CTSB: variants seen among roughly 807,000 people sequenced by gnomAD.
The protein encoded by CTSB is cathepsin B.
A neutral mutation model predicts 44.3 loss-of-function variants in CTSB; 57 were observed. The ratio of observed to expected loss-of-function variants is 1.29; its 90% CI spans 1.04 to 1.60. The LOEUF (loss-of-function observed/expected upper bound fraction) is 1.60. CTSB is among the 40% of genes most tolerant of loss of function. The pLI, the probability that CTSB is intolerant of heterozygous loss-of-function variation, is 0.00. For missense variants in CTSB, 768 were observed against 443.0 expected (o/e 1.73, Z -6.59); for synonymous variants, 320 against 168.0 (o/e 1.91, Z -7.00).
chr8:11,864,859 G>C (rs1816901258), intron 1 of CTSB, among the ~76,000 whole-genome samples: 1 of 151,692 alleles, frequency 6.6e-6, no homozygotes, highest in African/African-American at 2.4e-5. Context: ...GTTGCAGTGA[G>C]CTGAGATTGT....
At chr8:11,847,642 C>T (rs777115295) in intron 7 of CTSB, 37 bp downstream of exon 7, 1 of 1,503,284 alleles carries the variant, frequency 6.7e-7, no homozygotes, top group Non-Finnish European at 8.9e-7. Context: ...GCTCCCCAGC[C>T]TCCACGTGCG....
intron 5 of CTSB, 155 bp from the exon 6 acceptor site, chr8:11,848,307 G>A (rs1201033655): frequency 1.4e-6 from 1 of 711,686 alleles, no homozygotes; most frequent in African/African-American, 1.7e-5. Flanking sequence ...ACCCTCCAAG[G>A]GACGCTCCCT....
chr8:11,850,291 T>A (rs2645419), intron 4 of CTSB, among the ~76,000 whole-genome samples: 8 of 151,384 alleles, frequency 5.3e-5, no homozygotes, highest in Non-Finnish European at 8.8e-5. Flanking sequence ...TGGTGGCACA[T>A]GCCTGTAGTC....
chr8:11,856,710 C>G (rs796844567), intron 1 of CTSB, among the ~76,000 whole-genome samples: 4 of 152,302 alleles, frequency 2.6e-5, no homozygotes, highest in African/African-American at 7.2e-5. Flanking sequence ...CTGTGGGTGA[C>G]TGAGGACCAT....
intron 1 of CTSB, chr8:11,855,043 G>A (rs185966145): frequency 6.6e-6 from 1 of 152,250 alleles, no homozygotes; most frequent in Non-Finnish European, 1.5e-5. Context: ...GTTTTTTTGA[G>A]ACGGAGTCTT....
chr8:11,854,024 A>G (rs1261268470), intron 1 of CTSB, among the ~76,000 whole-genome samples: 1 of 152,164 alleles, frequency 6.6e-6, no homozygotes, highest in African/African-American at 2.4e-5. Flanking sequence ...TGGTTTTTCC[A>G]GTCAGCCAAG....
chr8:11,845,243 G>A (rs768817891), intron 9 of CTSB, 21 bp from the exon 10 acceptor site: 2 of 1,570,160 alleles, frequency 1.3e-6, no homozygotes, highest in Admixed American at 1.7e-5. Context: ...AAAGTAAGGT[G>A]CTTTTAAAGT....
chr8:11,843,813 C>T lies in CTSB; in HGVS notation c.*1312G>A, dbSNP rs1216165270. On this transcript the variant is annotated 3_prime_UTR_variant, in exon 10 of 10. Transcript: ENST00000353047. ...TGGGAGGCTGAGGCAGGCAGACCAC[C>T]TGAGGCCGGGAGTTTGAAACTAGCC... The T allele has an allele frequency of 6.6e-6, 1 of 152,352 alleles. No individual in the cohort carries two copies. Among genetic ancestry groups the T allele is most frequent in the South Asian group, 2.1e-4 (1 of 4,828 alleles). 9.4% of individuals were successfully genotyped at this position (152,352 alleles called of 1,614,324 possible).
intron 5 of CTSB, 77 bp from the exon 6 acceptor site, chr8:11,848,229 G>A (rs771271711): frequency 2.2e-6 from 3 of 1,361,914 alleles, no homozygotes; most frequent in Admixed American, 1.7e-5. Flanking sequence ...CTACCCAAGT[G>A]CCCGAGGCCA....
chr8:11,862,332 T>G (rs1816558965), intron 1 of CTSB: 1 of 152,124 alleles, frequency 6.6e-6, no homozygotes. Context: ...GACACTCTTT[T>G]GAAAGTGCCT....
intron 4 of CTSB, among the ~76,000 whole-genome samples, chr8:11,849,767 G>A (rs1238513857): frequency 6.6e-6 from 1 of 151,968 alleles, no homozygotes; most frequent in African/African-American, 2.4e-5. Flanking sequence ...TTTTAGTAGA[G>A]ACAGGGTTTC....
In CTSB at chr8:11,847,880, G is replaced by A. The variant is rs572988320; in HGVS notation, c.533-58C>T. On this transcript the variant is annotated intron_variant, in intron 6 of 9. Transcript: ENST00000353047. ...TACAGCCCCCACGGAGAAGACCTGG[G>A]GCAAGGCAAGCCTCGTGCCTGCAGC... The A allele has an allele frequency of 3.5e-5, 50 of 1,408,668 alleles. No homozygotes were observed. The African/African-American group carries it at 9.6e-4, about 27-fold the overall frequency. The allele number at this position is 1,408,668 out of a possible 1,614,324, so 87.3% of individuals were successfully genotyped here. A position where few individuals can be genotyped will look rare whatever the true frequency, so the allele number is the denominator to read the frequency against.
Position 11,847,787 on chromosome 8 carries a change from G to A in CTSB, c.568C>T (p.His190Tyr), listed in dbSNP as rs765094937. 6.3e-6 allele frequency: 10 copies of A among 1,598,908 alleles called. No homozygotes were observed. The East Asian group carries it at 2.2e-4, about 36-fold the overall frequency. The change falls in exon 7 of 10, where the codon CAC (histidine) becomes TAC (tyrosine). Residue 190 changes from histidine (H) to tyrosine (Y), a missense_variant. His to Tyr is a moderately conservative substitution (Grantham distance 83). Coordinates refer to ENST00000353047, the MANE Select transcript of CTSB (RefSeq NM_001908.5). ...CATGGGGGCCGGGAGCCGTTGACGT[G>A]GTGCTCACAGGGAGGGATGGAGTAC... The part of the protein sequence containing the change: ...RPYSIPPCEH[H>Y]VNGSRPPCTG...
chr8:11,855,727 A>G (rs1046537567), intron 1 of CTSB, among the ~76,000 whole-genome samples: 8 of 152,118 alleles, frequency 5.3e-5, no homozygotes, highest in Non-Finnish European at 1.0e-4. Context: ...ACACAGATAA[A>G]AATAAGTTCA....
intron 3 of CTSB, among the ~76,000 whole-genome samples, chr8:11,851,437 G>A (rs150023964): frequency 6.6e-6 from 1 of 152,142 alleles, no homozygotes; most frequent in African/African-American, 2.4e-5. Flanking sequence ...TGATCTGCCT[G>A]CCTTGGCCTC....
At chr8:11,845,549 C>T (rs2130980678) in intron 9 of CTSB, 112 bp downstream of exon 9, 1 of 1,315,796 alleles carries the variant, frequency 7.6e-7, no homozygotes, top group Non-Finnish European at 1.0e-6. Context: ...CACAGCCTGG[C>T]CGTAGGTCCA....
At chr8:11,856,482 G>A (rs1316153051) in intron 1 of CTSB, among the ~76,000 whole-genome samples, 3 of 151,966 alleles carry the variant, frequency 2.0e-5, no homozygotes, top group East Asian at 1.9e-4. Context: ...GCGTGGTGGC[G>A]CATGCCTGTA....
intron 4 of CTSB, chr8:11,849,949 G>C (rs1280412224): frequency 6.6e-6 from 1 of 152,260 alleles, no homozygotes; most frequent in Non-Finnish European, 1.5e-5. Context: ...ACTTGTATGA[G>C]GTCCCTAGGA....
rs1226124904 is a variant in CTSB, at chr8:11,843,751, C to G, written c.*1374G>C. On this transcript the variant is annotated 3_prime_UTR_variant, in exon 10 of 10. Coordinates refer to ENST00000353047, the MANE Select transcript of CTSB (RefSeq NM_001908.5). ...ATTTGTGGCTGATAAAAAATACAGG[C>G]AGGGCCCAGTGGCTCACGCCTGTAA... The G allele has an allele frequency of 6.6e-6, 1 of 152,268 alleles. No individual in the cohort carries two copies. Among genetic ancestry groups the G allele is most frequent in the African/African-American group, 2.4e-5 (1 of 41,468 alleles). The allele number at this position is 152,268 out of a possible 1,614,324, so 9.4% of individuals were successfully genotyped here.
Sources: allele counts gnomAD v4.1 joint callset (sites outside exome capture counted in the v4.1 genomes callset), GRCh38; gene constraint gnomAD v4.1.1; transcripts MANE v1.5; gene names NCBI Gene and HGNC (gene_info 2026-07-23, HGNC 2026-07-21).